Variants in NDFIP2 observed in about 807,000 individuals in gnomAD.
The protein encoded by NDFIP2 is Nedd4 family interacting protein 2, also known as NEDD4 family-interacting protein 2.
NDFIP2 carries 19 observed loss-of-function variants against 36.0 expected under a neutral mutation model. The observed-to-expected ratio is 0.53, with a 90% confidence interval of 0.37 to 0.77. NDFIP2 has a LOEUF of 0.77. Among genes scored for constraint, NDFIP2 ranks in the 30% least tolerant of loss-of-function variants. NDFIP2 has a pLI of 0.00. For missense variants in NDFIP2, 446 were observed against 435.8 expected, an observed-to-expected ratio of 1.02 and a Z score of -0.21; for synonymous variants, 181 against 167.7, an observed-to-expected ratio of 1.08 and a Z score of -0.61.
chr13:79,541,641 G>A (rs1344826185), intron 4 of NDFIP2, among the ~76,000 whole-genome samples: 1 of 151,708 alleles, frequency 6.6e-6, no homozygotes, highest in Non-Finnish European at 1.5e-5. Flanking sequence ...TCTAGTGGCT[G>A]TTTTTCAAAT....
At chr13:79,509,152 G>A (rs187223539) in intron 1 of NDFIP2, among the ~76,000 whole-genome samples, 192 of 152,230 alleles carry the variant, frequency 1.3e-3, no homozygotes, top group Admixed American at 3.3e-3. Context: ...ACAGCCTCAG[G>A]AGGTCCTGAC....
intron 6 of NDFIP2, among the ~76,000 whole-genome samples, chr13:79,550,542 T>C (rs961163302): frequency 6.6e-6 from 1 of 151,662 alleles, no homozygotes; most frequent in African/African-American, 2.4e-5. Flanking sequence ...CACTTGATAT[T>C]ACTATACAGG....
chr13:79,489,641 C>T (rs117929795), intron 1 of NDFIP2, among the ~76,000 whole-genome samples: 2,322 of 152,190 alleles, frequency 0.015, 25 homozygotes, highest in Non-Finnish European at 0.024. Flanking sequence ...GTGACAGTCA[C>T]GCAGACTTGA....
intron 3 of NDFIP2, among the ~76,000 whole-genome samples, chr13:79,538,167 C>T (rs967579757): frequency 6.6e-6 from 1 of 152,112 alleles, no homozygotes; most frequent in African/African-American, 2.4e-5. Flanking sequence ...TTAGAAACCA[C>T]CCCCATGATC....
chr13:79,528,146 G>T (rs1260438104), intron 2 of NDFIP2, among the ~76,000 whole-genome samples: 1 of 152,064 alleles, frequency 6.6e-6, no homozygotes, highest in African/African-American at 2.4e-5. Flanking sequence ...CGTAGTCCCA[G>T]CTGCTTGGGA....
chr13:79,527,830 A>G (rs1161166355), intron 2 of NDFIP2, among the ~76,000 whole-genome samples: 1 of 152,198 alleles, frequency 6.6e-6, no homozygotes, highest in Non-Finnish European at 1.5e-5. Flanking sequence ...ATTTGTTATC[A>G]TAGGAGATGA....
rs115259436 is a variant in NDFIP2 at position 79,515,902 on chromosome 13, A to G, written c.322-4908A>G. On this transcript the variant is annotated intron_variant, in intron 1 of 7. Coordinates refer to ENST00000218652, the MANE Select transcript of NDFIP2 (RefSeq NM_019080.3). ...TCAGGTGTTAAAAAGGTGACACAGA[A>G]TGATATACTCTAAGGTTTTTCTTTT... Among the ~76,000 whole-genome samples, 364 of 140,932 alleles carry G rather than the reference A, an allele frequency of 2.6e-3. 1 individual carries two copies. Among genetic ancestry groups the G allele is most frequent in the African/African-American group, 8.9e-3 (338 of 37,968 alleles). 92.5% of individuals were successfully genotyped at this position (140,932 alleles called of 152,430 possible).
chr13:79,516,681 T>G (rs940119451), intron 1 of NDFIP2, among the ~76,000 whole-genome samples: 5 of 152,178 alleles, frequency 3.3e-5, no homozygotes, highest in Admixed American at 1.3e-4. Context: ...AAATTACAGT[T>G]CTCTTCCTGT....
intron 6 of NDFIP2, among the ~76,000 whole-genome samples, chr13:79,548,648 C>A (rs1180801575): frequency 2.0e-5 from 3 of 151,892 alleles, no homozygotes; most frequent in Non-Finnish European, 2.9e-5. Flanking sequence ...AAAATAACAA[C>A]GTGATAAAAA....
In NDFIP2 at chr13:79,492,973, TC is replaced by T. The variant is rs146651892; in HGVS notation, c.321+11452del. Among the ~76,000 whole-genome samples, 1,100 of 152,288 alleles carry T rather than the reference TC, an allele frequency of 7.2e-3. 11 individuals carry two copies. Among genetic ancestry groups the T allele is most frequent in the Non-Finnish European group, 7.9e-3 (540 of 68,012 alleles). On this transcript the variant is annotated intron_variant, in intron 1 of 7. Transcript: ENST00000218652. ...TTATTTTCTTCAAAAAACCTTTCCT[TC>T]CCTTTTACCTCCCCATCTCCATTTC...
chr13:79,526,300 A>G (rs1303354399), intron 2 of NDFIP2, among the ~76,000 whole-genome samples: 1 of 152,208 alleles, frequency 6.6e-6, no homozygotes, highest in Non-Finnish European at 1.5e-5. Flanking sequence ...TTTGAGAACT[A>G]AAGAGGATAT....
chr13:79,548,212 G>T, intron 5 of NDFIP2, 116 bp from the exon 6 acceptor site: 2 of 780,454 alleles, frequency 2.6e-6, no homozygotes, highest in Non-Finnish European at 2.1e-6. Flanking sequence ...TTTCCTTTGT[G>T]CCATTTTTAA....
At chr13:79,500,028 T>A (rs1183859142) in intron 1 of NDFIP2, among the ~76,000 whole-genome samples, 1 of 151,692 alleles carries the variant, frequency 6.6e-6, no homozygotes, top group Non-Finnish European at 1.5e-5. Context: ...GACAAATAGA[T>A]TAGTGGAAGA....
chr13:79,524,450 A>G (rs1167610164), intron 2 of NDFIP2, among the ~76,000 whole-genome samples: 2 of 152,244 alleles, frequency 1.3e-5, no homozygotes, highest in African/African-American at 2.4e-5. Flanking sequence ...TAGGGGCTGC[A>G]TCGATTGCTG....
At chr13:79,502,977 G>A (rs1490845474) in intron 1 of NDFIP2, among the ~76,000 whole-genome samples, 1 of 151,448 alleles carries the variant, frequency 6.6e-6, no homozygotes, top group East Asian at 1.9e-4. Flanking sequence ...AGGAAGGAGA[G>A]AGAATTTAAA....
At chr13:79,499,741 T>G (rs1487525370) in intron 1 of NDFIP2, among the ~76,000 whole-genome samples, 1 of 151,984 alleles carries the variant, frequency 6.6e-6, no homozygotes, top group East Asian at 1.9e-4. Context: ...TGGAAAGATA[T>G]TCCATGTTCA....
chr13:79,515,789 C>G (rs1454250269), intron 1 of NDFIP2, among the ~76,000 whole-genome samples: 1 of 151,956 alleles, frequency 6.6e-6, no homozygotes, highest in Non-Finnish European at 1.5e-5. Context: ...TGAGGTAGCT[C>G]ACCTTCTTCT....
At position 79,490,895 on chromosome 13, in the gene NDFIP2, A is replaced by C. The variant is rs139426058; in HGVS notation, c.321+9371A>C. 5.1e-4 allele frequency among the ~76,000 whole-genome samples: 78 copies of C among 152,336 alleles called. 3 individuals carry two copies. The East Asian group carries it at 0.014, about 27-fold the overall frequency. On this transcript the variant is annotated intron_variant, in intron 1 of 7. Transcript: ENST00000218652. ...GGATATGAGTGGATAGTAGAAGAGA[A>C]TATAATACTCCCTGTGAGAGTGTCA...
At chr13:79,509,686 T>TAGAGAGAGAGAGAGAG (rs145822478) in intron 1 of NDFIP2, among the ~76,000 whole-genome samples, 1 of 110,896 alleles carries the variant, frequency 9.0e-6, no homozygotes, top group South Asian at 2.8e-4. Flanking sequence ...GATATATATA[T>TAGAGAGAGAGAGAGAG]ATATAGAGAG....
Sources: gnomAD v4.1 joint callset for allele counts (sites outside exome capture counted in the v4.1 genomes callset) on GRCh38, gnomAD v4.1.1 for gene constraint, MANE v1.5 for transcripts, NCBI Gene and HGNC (gene_info 2026-07-23, HGNC 2026-07-21) for gene names.